CCDC50: variants seen among roughly 807,000 people sequenced by gnomAD.
The protein encoded by CCDC50 is coiled-coil domain-containing protein 50.
A neutral mutation model predicts 70.2 loss-of-function variants in CCDC50; 54 were observed. The observed-to-expected ratio is 0.77, with a 90% CI of 0.62 to 0.96. The LOEUF (loss-of-function observed/expected upper bound fraction) is 0.96. Among genes scored for constraint, CCDC50 ranks in the 50% least tolerant of loss-of-function variants. CCDC50 has a pLI of 0.00. For synonymous variants in CCDC50, 216 were observed against 198.8 expected, an observed-to-expected ratio of 1.09 and a Z score of -0.73; for missense variants, 558 against 578.7, an observed-to-expected ratio of 0.96 and a Z score of 0.37.
chr3:191,378,650 C>T (rs1347022471), intron 6 of CCDC50, among the ~76,000 whole-genome samples: 1 of 152,068 alleles, frequency 6.6e-6, no homozygotes, highest in Non-Finnish European at 1.5e-5. Context: ...TGAAATCTGC[C>T]TTCCTAGTTC....
chr3:191,329,833 G>A, intron 1 of CCDC50, 110 bp downstream of exon 1: 6 of 1,090,068 alleles, frequency 5.5e-6, no homozygotes, highest in South Asian at 1.4e-5. Context: ...CCCGGTGCCC[G>A]CCCTGCGTTG....
intron 1 of CCDC50, among the ~76,000 whole-genome samples, chr3:191,337,674 C>G (rs940843569): frequency 3.3e-5 from 5 of 151,984 alleles, no homozygotes; most frequent in African/African-American, 1.2e-4. Context: ...AAATTACACT[C>G]CGGTAAATTT....
rs151133567 is a variant in CCDC50, at chr3:191,345,180, A to G, written c.50-11908A>G. Among the ~76,000 whole-genome samples the G allele has an allele frequency of 4.3e-3, 652 of 152,286 alleles. 4 individuals carry two copies. The highest frequency in any genetic ancestry group is 0.015 in the African/African-American group (625 of 41,552). On this transcript the variant is annotated intron_variant, in intron 1 of 11. Transcript: ENST00000392455. ...GCATCAGCATCTTCTAAGAATAGACAAGGTCTAAGTCTTAACTTTTCTTGG... is the reference window on the plus strand; with the variant it reads ...GCATCAGCATCTTCTAAGAATAGACGAGGTCTAAGTCTTAACTTTTCTTGG...
intron 4 of CCDC50, among the ~76,000 whole-genome samples, 166 bp downstream of exon 4, chr3:191,361,325 T>C (rs1712480927): frequency 6.6e-6 from 1 of 152,242 alleles, no homozygotes; most frequent in Non-Finnish European, 1.5e-5. Flanking sequence ...TATAGCCTCT[T>C]GATTATGTAA....
chr3:191,345,605 T>G (rs1281006074), intron 1 of CCDC50, among the ~76,000 whole-genome samples: 1 of 152,196 alleles, frequency 6.6e-6, no homozygotes, highest in African/African-American at 2.4e-5. Context: ...TGTGAGGACT[T>G]ATATCATCTC....
rs1038433145 is a variant in CCDC50, at chr3:191,343,696, C to T, written c.50-13392C>T. Among the ~76,000 whole-genome samples, 3 of 152,148 alleles carry T rather than the reference C, an allele frequency of 2.0e-5. No individual in the cohort carries two copies. In the East Asian group the frequency reaches 5.8e-4, roughly 29 times the overall value. On this transcript the variant is annotated intron_variant, in intron 1 of 11. Transcript: ENST00000392455. ...CAAGAAATCTAGGAGAATGTTTCTTCAGTTGTGACTCATTTAACTTTCAGG... is the reference window on the plus strand; with the variant it reads ...CAAGAAATCTAGGAGAATGTTTCTTTAGTTGTGACTCATTTAACTTTCAGG...
At chr3:191,363,890 T>A (rs1490383019) in intron 4 of CCDC50, among the ~76,000 whole-genome samples, 1 of 152,180 alleles carries the variant, frequency 6.6e-6, no homozygotes, top group Non-Finnish European at 1.5e-5. Context: ...CAATATTAAA[T>A]GAAGAAAATT....
At chr3:191,355,361 A>G (rs1712241776) in intron 1 of CCDC50, among the ~76,000 whole-genome samples, 1 of 152,210 alleles carries the variant, frequency 6.6e-6, no homozygotes, top group South Asian at 2.1e-4. Context: ...TGTATGTCTT[A>G]CCCATTTAAA....
rs372447410 is a variant in CCDC50, at chr3:191,391,152, T to G, written c.1430-589T>G. ...ATTAATTGATGCTGTTTATTTGTTA[T>G]GATTTTTGAAGACTTAGGTGATATT... is the stretch of plus-strand genomic sequence containing the variant. On this transcript the variant is annotated intron_variant, in intron 11 of 11. Transcript: ENST00000392455. 3.9e-5 allele frequency among the ~76,000 whole-genome samples: 6 copies of G among 152,376 alleles called. No homozygotes were observed. The East Asian group carries it at 7.7e-4, about 20-fold the overall frequency.
chr3:191,343,236 T>C (rs1711795992), intron 1 of CCDC50, among the ~76,000 whole-genome samples: 1 of 152,210 alleles, frequency 6.6e-6, no homozygotes, highest in Non-Finnish European at 1.5e-5. Context: ...GGCTATTATT[T>C]CTCTCATATT....
chr3:191,367,771 C>A (rs372979146), intron 4 of CCDC50, among the ~76,000 whole-genome samples: 3 of 152,028 alleles, frequency 2.0e-5, no homozygotes, highest in Non-Finnish European at 4.4e-5. Flanking sequence ...TACTGTAAAG[C>A]AAACCACGTA....
intron 9 of CCDC50, among the ~76,000 whole-genome samples, chr3:191,381,687 G>T (rs1713325917): frequency 2.0e-5 from 3 of 152,090 alleles, no homozygotes; most frequent in African/African-American, 7.2e-5. Context: ...GTTAAGCTAG[G>T]TGGAAAAAGA....
intron 1 of CCDC50, among the ~76,000 whole-genome samples, chr3:191,340,280 A>G (rs1487939109): frequency 1.3e-5 from 2 of 152,216 alleles, no homozygotes; most frequent in African/African-American, 4.8e-5. Flanking sequence ...AGGGCTCTTT[A>G]TACTATAATT....
At chr3:191,335,344 C>T (rs888195069) in intron 1 of CCDC50, among the ~76,000 whole-genome samples, 1 of 152,094 alleles carries the variant, frequency 6.6e-6, no homozygotes, top group Non-Finnish European at 1.5e-5. Context: ...CTGGAAGTGC[C>T]ATTGGATTAA....
rs541018439 is a variant in CCDC50, at chr3:191,362,828, A to T, written c.330+1669A>T. Among the ~76,000 whole-genome samples the T allele has an allele frequency of 7.9e-5, 12 of 152,350 alleles. No homozygotes were observed. The South Asian group carries it at 2.5e-3, about 32-fold the overall frequency. On this transcript the variant is annotated intron_variant, in intron 4 of 11. Coordinates refer to ENST00000392455, the MANE Select transcript of CCDC50 (RefSeq NM_178335.3). The stretch of plus-strand genomic sequence containing the variant: ...TATTGAGTTGTTTCTTCAAGAAACA[A>T]ATCATGATCATGTGATAATCAGAGC...
At chr3:191,363,874 T>C (rs1041828079) in intron 4 of CCDC50, among the ~76,000 whole-genome samples, 1 of 152,192 alleles carries the variant, frequency 6.6e-6, no homozygotes. Flanking sequence ...CTGTCTAGTA[T>C]GTTGTCAATA....
At chr3:191,359,149 T>G (rs772221945) in intron 3 of CCDC50, among the ~76,000 whole-genome samples, 2 of 152,174 alleles carry the variant, frequency 1.3e-5, no homozygotes, top group African/African-American at 2.4e-5. Flanking sequence ...TCACAGAGAA[T>G]TGAAATGTAA....
At chr3:191,330,177 C>A (rs4677629) in intron 1 of CCDC50, among the ~76,000 whole-genome samples, 2 of 152,052 alleles carry the variant, frequency 1.3e-5, no homozygotes, top group Admixed American at 1.3e-4. Flanking sequence ...TCTCTCCCTA[C>A]TTTTCCTAGG....
chr3:191,360,285 G>T (rs1206254928), intron 3 of CCDC50, among the ~76,000 whole-genome samples: 1 of 152,190 alleles, frequency 6.6e-6, no homozygotes, highest in Non-Finnish European at 1.5e-5. Flanking sequence ...ATTAAACTCA[G>T]ATGAAGCTTC....
Sources: allele counts gnomAD v4.1 joint callset (sites outside exome capture counted in the v4.1 genomes callset), GRCh38; gene constraint gnomAD v4.1.1; transcripts MANE v1.5; gene names NCBI Gene and HGNC (gene_info 2026-07-23, HGNC 2026-07-21).